Variants in GAREM1 observed in about 807,000 individuals in gnomAD.
GAREM1 encodes the protein GRB2 associated regulator of MAPK1 subtype 1.
A neutral mutation model predicts 71.3 loss-of-function variants in GAREM1; 26 were observed. The ratio of observed to expected loss-of-function variants is 0.36; its 90% confidence interval spans 0.27 to 0.51. The LOEUF is 0.51. Ranked by LOEUF, GAREM1 falls within the 20% of genes least tolerant of loss-of-function variation. GAREM1 has a pLI of 0.95. For missense variants in GAREM1, 1,026 were observed against 1,103.1 expected, an observed-to-expected ratio of 0.93 and a Z score of 0.99; for synonymous variants, 440 against 433.2, an observed-to-expected ratio of 1.02 and a Z score of -0.20.
intron 2 of GAREM1, among the ~76,000 whole-genome samples, chr18:32,366,518 C>G (rs1012378135): frequency 6.6e-6 from 1 of 152,104 alleles, no homozygotes; most frequent in African/African-American, 2.4e-5. Context: ...GGAAAGGGAA[C>G]CTGTATATAA....
intron 1 of GAREM1, among the ~76,000 whole-genome samples, chr18:32,393,523 T>C (rs2048223249): frequency 6.6e-6 from 1 of 152,146 alleles, no homozygotes; most frequent in Non-Finnish European, 1.5e-5. Flanking sequence ...CAAAGCTAGG[T>C]CAGATAGATT....
At chr18:32,403,866 T>C (rs550464292) in intron 1 of GAREM1, among the ~76,000 whole-genome samples, 1 of 152,370 alleles carries the variant, frequency 6.6e-6, no homozygotes, top group East Asian at 1.9e-4. Flanking sequence ...TTAATGTTTA[T>C]GTATTAATAT....
At chr18:32,319,446 T>C (rs1013538692) in intron 2 of GAREM1, among the ~76,000 whole-genome samples, 1 of 152,214 alleles carries the variant, frequency 6.6e-6, no homozygotes, top group Non-Finnish European at 1.5e-5. Context: ...CAGCACTTCA[T>C]TTTGTATGGC....
At chr18:32,332,001 C>T in intron 2 of GAREM1, among the ~76,000 whole-genome samples, 1 of 150,866 alleles carries the variant, frequency 6.6e-6, no homozygotes, top group East Asian at 1.9e-4. Flanking sequence ...ACAGAACTGA[C>T]TGTGTCCTTT....
chr18:32,425,617 G>A (rs1250422126), intron 1 of GAREM1, among the ~76,000 whole-genome samples: 1 of 152,190 alleles, frequency 6.6e-6, no homozygotes, highest in African/African-American at 2.4e-5. Context: ...TTTTGAGGCT[G>A]AGTGCTAATA....
At chr18:32,289,905 ATC>A (rs1448563968) in intron 3 of GAREM1, among the ~76,000 whole-genome samples, 3 of 152,122 alleles carry the variant, frequency 2.0e-5, no homozygotes, top group African/African-American at 7.2e-5. Flanking sequence ...TTTGCTATGT[ATC>A]TCTATTTTTT....
chr18:32,275,400 G>C (rs2041526592), intron 4 of GAREM1, among the ~76,000 whole-genome samples: 1 of 152,232 alleles, frequency 6.6e-6, no homozygotes, highest in East Asian at 1.9e-4. Flanking sequence ...CTCACGCTCA[G>C]TGAAGAGCTG....
intron 3 of GAREM1, among the ~76,000 whole-genome samples, chr18:32,308,710 T>G (rs1053943488): frequency 6.7e-6 from 1 of 150,222 alleles, no homozygotes; most frequent in Non-Finnish European, 1.5e-5. Flanking sequence ...GCTCATGTAT[T>G]AGGGCCACTG....
chr18:32,448,533 A>T (rs980494441), intron 1 of GAREM1, among the ~76,000 whole-genome samples: 1 of 152,218 alleles, frequency 6.6e-6, no homozygotes, highest in Non-Finnish European at 1.5e-5. Context: ...AGGGTTTGAC[A>T]ACAGGTATGG....
intron 2 of GAREM1, among the ~76,000 whole-genome samples, chr18:32,360,783 T>A (rs1314320542): frequency 6.6e-6 from 1 of 152,038 alleles, no homozygotes; most frequent in African/African-American, 2.4e-5. Context: ...TTTGTTAATA[T>A]CTTTCATTTT....
At chr18:32,313,804 T>C (rs2047349299) in intron 2 of GAREM1, among the ~76,000 whole-genome samples, 1 of 152,038 alleles carries the variant, frequency 6.6e-6, no homozygotes, top group African/African-American at 2.4e-5. Context: ...GGGCAAAAAA[T>C]AGAGCTGCCA....
chr18:32,465,910 A>G (rs968165798), intron 1 of GAREM1, among the ~76,000 whole-genome samples: 2 of 152,076 alleles, frequency 1.3e-5, no homozygotes, highest in Non-Finnish European at 2.9e-5. Context: ...TCACTTTACA[A>G]AAGTAATGCA....
intron 1 of GAREM1, among the ~76,000 whole-genome samples, chr18:32,460,192 A>G (rs1440525996): frequency 2.0e-5 from 3 of 151,744 alleles, no homozygotes; most frequent in African/African-American, 7.3e-5. Context: ...ACAGAACACA[A>G]CTCATTTTAA....
chr18:32,372,808 CA>C (rs2047996060), intron 2 of GAREM1, among the ~76,000 whole-genome samples: 1 of 152,204 alleles, frequency 6.6e-6, no homozygotes, highest in African/African-American at 2.4e-5. Flanking sequence ...AATTGTAATA[CA>C]GAGAAGGTGG....
chr18:32,446,076 G>A (rs2048783017), intron 1 of GAREM1, among the ~76,000 whole-genome samples: 1 of 152,098 alleles, frequency 6.6e-6, no homozygotes, highest in African/African-American at 2.4e-5. Context: ...TTGAAACAAT[G>A]ATACACAGAG....
intron 2 of GAREM1, among the ~76,000 whole-genome samples, chr18:32,313,466 T>G (rs1244885044): frequency 6.6e-6 from 1 of 152,108 alleles, no homozygotes; most frequent in Non-Finnish European, 1.5e-5. Context: ...TGCTAAAGGT[T>G]GAGATGGCAA....
rs147088789 is a variant in GAREM1, at chr18:32,366,154, A to T, written c.262+26741T>A. The stretch of plus-strand genomic sequence containing the variant: ...CCTCACTCCACCCTGCCCACCTAAC[A>T]CACCCTAGGACCCAGCAGAACATCA... On this transcript the variant is annotated intron_variant, in intron 2 of 5. Transcript: ENST00000269209. Among the ~76,000 whole-genome samples, 59 of 152,146 alleles carry T rather than the reference A, an allele frequency of 3.9e-4. No individual in the cohort carries two copies. The East Asian group carries it at 9.3e-3, about 24-fold the overall frequency.
At position 32,287,589 on chromosome 18, in the gene GAREM1, G is replaced by A. The variant is rs781282921; in HGVS notation, c.1008C>T (p.Ile336=). Residue 336 remains isoleucine, a synonymous_variant, in exon 4 of 6, where the codon ATC becomes ATT. Transcript: ENST00000269209. The surrounding 1 kb of genome is among the most constrained non-coding windows in gnomAD (Gnocchi z 5.9). ...WLGICQEQFD[I]DEYSRAVRDV... is the part of the protein sequence containing the mutation. Reference sequence around the variant, plus strand: ...CACGGACAGCCCGTGAATACTCATCGATGTCGAACTGTTCTTGGCAGATAC... The same window carrying A: ...CACGGACAGCCCGTGAATACTCATCAATGTCGAACTGTTCTTGGCAGATAC... The A allele has an allele frequency of 1.7e-5, 27 of 1,614,000 alleles. No homozygotes were observed. Among genetic ancestry groups the A allele is most frequent in the African/African-American group, 9.3e-5 (7 of 74,886 alleles).
At position 32,470,066 on chromosome 18, in the gene GAREM1, CT is replaced by C. The variant is rs34206528; in HGVS notation, c.121+241del. Among the ~76,000 whole-genome samples, 4 of 151,412 alleles carry C rather than the reference CT, an allele frequency of 2.6e-5. No individual in the cohort carries two copies. The highest frequency in any genetic ancestry group is 2.1e-4 in the South Asian group (1 of 4,792). On this transcript the variant is annotated intron_variant, in intron 1 of 5. Coordinates refer to ENST00000269209, the MANE Select transcript of GAREM1 (RefSeq NM_001242409.2). This position sits in a 1 kb window ranked among gnomAD's most constrained non-coding sequence, Gnocchi z 4.4. ...ATCTGCAGAGGTCTCCCTATGTTGA[CT>C]TTTTTTTTAGGGCGTCCTTTTTAAT...
Sources: allele counts gnomAD v4.1 joint callset (sites outside exome capture counted in the v4.1 genomes callset), GRCh38; gene constraint gnomAD v4.1.1; non-coding constraint Gnocchi (gnomAD v3.1); transcripts MANE v1.5; gene names NCBI Gene and HGNC (gene_info 2026-07-23, HGNC 2026-07-21).